Variants in KCNMA1 observed in about 807,000 individuals in gnomAD.
KCNMA1 encodes the protein Calcium-activated potassium channel subunit alpha-1.
In KCNMA1, 29 loss-of-function variants were observed where a neutral mutation model predicts 140.0. The ratio of observed to expected loss-of-function variants is 0.21; its 90% CI spans 0.15 to 0.28. KCNMA1 has a LOEUF of 0.28. KCNMA1 is among the 10% of genes least tolerant of loss of function. The pLI, the probability that KCNMA1 is intolerant of heterozygous loss-of-function variation, is 1.00. For missense variants in KCNMA1, 880 were observed against 1,602.2 expected, an observed-to-expected ratio of 0.55 and a Z score of 7.70; for synonymous variants, 612 against 611.9, an observed-to-expected ratio of 1.00 and a Z score of 0.00.
chr10:77,143,978 G>A (rs1739139397), intron 5 of KCNMA1, among the ~76,000 whole-genome samples: 1 of 152,118 alleles, frequency 6.6e-6, no homozygotes, highest in Admixed American at 6.5e-5. Context: ...GCTAGTAGAA[G>A]TGTAAAATGG....
chr10:77,427,732 T>TA (rs1555326549), intron 1 of KCNMA1, among the ~76,000 whole-genome samples: 1 of 146,490 alleles, frequency 6.8e-6, no homozygotes, highest in South Asian at 2.2e-4. Context: ...TTTATTTATT[T>TA]ATTTATTTAT....
chr10:77,355,988 C>T (rs995815766), intron 2 of KCNMA1, among the ~76,000 whole-genome samples: 4 of 152,210 alleles, frequency 2.6e-5, no homozygotes, highest in Admixed American at 2.0e-4. Flanking sequence ...CATCAAGACC[C>T]ATCTCTAATG....
intron 1 of KCNMA1, among the ~76,000 whole-genome samples, chr10:77,436,783 A>G (rs2097270836): frequency 6.6e-6 from 1 of 152,232 alleles, no homozygotes; most frequent in Admixed American, 6.5e-5. Context: ...ATAACTATTT[A>G]TTGACATGAA....
At chr10:76,981,546 G>A (rs927160678) in intron 19 of KCNMA1, among the ~76,000 whole-genome samples, 8 of 152,044 alleles carry the variant, frequency 5.3e-5, no homozygotes, top group Admixed American at 1.3e-4. Flanking sequence ...ATTGATCGGC[G>A]TGTGCAGACA....
intron 18 of KCNMA1, chr10:77,008,159 G>C (rs1291263728): frequency 6.5e-7 from 1 of 1,533,450 alleles, no homozygotes; most frequent in Non-Finnish European, 8.7e-7. Context: ...CTGGACTCCG[G>C]GCTGCTGGGA....
chr10:76,920,020 G>GTGTGTGTGTGTGTGTGTGTA (rs1177257916), intron 23 of KCNMA1, among the ~76,000 whole-genome samples: 1 of 34,408 alleles, frequency 2.9e-5, no homozygotes, highest in African/African-American at 1.1e-4. Context: ...GTGTGTGTGT[G>GTGTGTGTGTGTGTGTGTGTA]TATATATATA....
chr10:77,279,815 A>T (rs1480704418), intron 2 of KCNMA1, among the ~76,000 whole-genome samples: 2 of 152,096 alleles, frequency 1.3e-5, no homozygotes, highest in African/African-American at 2.4e-5. Flanking sequence ...TTTTATAAGG[A>T]GGGGTTTCCC....
chr10:77,004,253 A>ACACACACAC (rs1555092511), intron 18 of KCNMA1, among the ~76,000 whole-genome samples: 8 of 150,522 alleles, frequency 5.3e-5, no homozygotes, highest in Non-Finnish European at 8.9e-5. Flanking sequence ...ACACACACAC[A>ACACACACAC]AAATCAGCAA....
At chr10:77,145,850 A>C (rs1013029152) in intron 5 of KCNMA1, among the ~76,000 whole-genome samples, 1 of 152,202 alleles carries the variant, frequency 6.6e-6, no homozygotes, top group Non-Finnish European at 1.5e-5. Context: ...CAGCTCTGCC[A>C]TTAATTGGGA....
chr10:77,440,131 T>G (rs1054762356), intron 1 of KCNMA1, among the ~76,000 whole-genome samples: 3 of 152,068 alleles, frequency 2.0e-5, no homozygotes, highest in Non-Finnish European at 2.9e-5. Flanking sequence ...GCTTTACAAA[T>G]GACGCCACAC....
Position 77,039,604 on chromosome 10 carries a change from C to G in KCNMA1, c.1783G>C (p.Glu595Gln). ...EEDTWQKYYL[E>Q]GVSNEMYTEY... is the part of the protein sequence containing the mutation. ...GTGTACATTTCATTTGAGACTCCTT[C>G]CAAGTAGTATTTCTGCCATGTGTCT... Residue 595 changes from glutamate (E) to glutamine (Q), a missense_variant, in exon 15 of 28, where the codon GAA becomes CAA. By Grantham distance (29) the Glu-to-Gln change is conservative (BLOSUM62 2). This residue lies in a region of KCNMA1 where 198 missense variants were observed against 580.1 expected (regional missense o/e 0.34). Transcript: ENST00000286628. 6.2e-7 allele frequency: 1 copy of G among 1,611,530 alleles called. No homozygotes were observed. Among genetic ancestry groups the G allele is most frequent in the Non-Finnish European group, 8.5e-7 (1 of 1,177,660 alleles).
chr10:76,899,895 A>G (rs1417380284), intron 25 of KCNMA1, among the ~76,000 whole-genome samples: 1 of 152,150 alleles, frequency 6.6e-6, no homozygotes. Context: ...ATGTTTTTTA[A>G]AAGTAGGATC....
chr10:77,185,773 G>T (rs2098844883), intron 3 of KCNMA1, among the ~76,000 whole-genome samples: 1 of 152,084 alleles, frequency 6.6e-6, no homozygotes, highest in Non-Finnish European at 1.5e-5. Flanking sequence ...GGATCAGTGT[G>T]TGGAAAGTCC....
intron 2 of KCNMA1, among the ~76,000 whole-genome samples, chr10:77,288,835 G>A (rs2154306270): frequency 6.6e-6 from 1 of 152,248 alleles, no homozygotes; most frequent in East Asian, 1.9e-4. Context: ...AGCTTTTTTT[G>A]AGAGACAAAG....
At chr10:77,051,852 G>T (rs61868828) in intron 14 of KCNMA1, among the ~76,000 whole-genome samples, 9,004 of 152,238 alleles carry the variant, frequency 0.059, 368 homozygotes, top group Non-Finnish European at 0.09. Context: ...ATGAGGTGGT[G>T]CATGTAAAGT....
chr10:77,004,533 C>G (rs1290081501), intron 18 of KCNMA1, among the ~76,000 whole-genome samples: 1 of 152,114 alleles, frequency 6.6e-6, no homozygotes, highest in African/African-American at 2.4e-5. Context: ...TGAGTACTGG[C>G]CAGGAAGAGC....
chr10:77,337,935 A>C (rs2089719407), intron 2 of KCNMA1, among the ~76,000 whole-genome samples: 1 of 152,196 alleles, frequency 6.6e-6, no homozygotes, highest in African/African-American at 2.4e-5. Context: ...CTTGGGGGAA[A>C]ATGGCTCCAG....
downstream of KCNMA1, chr10:76,883,870 CTT>C (rs10533472): frequency 0.021 from 6,501 of 303,708 alleles, 410 homozygotes; most frequent in African/African-American, 0.14. Flanking sequence ...GGAGGGGACT[CTT>C]CACTCTATTA....
intron 3 of KCNMA1, among the ~76,000 whole-genome samples, chr10:77,205,287 C>A (rs2043727526): frequency 6.6e-6 from 1 of 152,150 alleles, no homozygotes; most frequent in Non-Finnish European, 1.5e-5. Flanking sequence ...TGACACGAAG[C>A]ATACTAGGAG....
Sources: allele counts gnomAD v4.1 joint callset (sites outside exome capture counted in the v4.1 genomes callset), GRCh38; gene constraint gnomAD v4.1.1; regional missense constraint gnomAD v4.1.1; transcripts MANE v1.5; gene names NCBI Gene and HGNC (gene_info 2026-07-23, HGNC 2026-07-21).